Variants in FBXO10 observed in about 807,000 individuals in gnomAD.
FBXO10 encodes the protein F-box only protein 10.
In FBXO10, 39 loss-of-function variants were observed where a neutral mutation model predicts 80.7. The observed-to-expected ratio is 0.48, with a 90% CI of 0.37 to 0.63. The LOEUF (loss-of-function observed/expected upper bound fraction) is 0.63, where lower values mean the gene tolerates loss of function less well. FBXO10 is among the 30% of genes least tolerant of loss of function. The pLI, the probability that FBXO10 is intolerant of heterozygous loss-of-function variation, is 0.00. For synonymous variants in FBXO10, 449 were observed against 489.6 expected (o/e 0.92, Z 1.09); for missense variants, 1,025 against 1,269.0 (o/e 0.81, Z 2.92).
intron 4 of FBXO10, among the ~76,000 whole-genome samples, chr9:37,531,509 T>C (rs943443229): frequency 3.3e-5 from 5 of 152,182 alleles, no homozygotes; most frequent in African/African-American, 1.2e-4. Context: ...ATACCCGAAA[T>C]GTCCTCTTAC....
chr9:37,539,137 C>T (rs1821854556), intron 2 of FBXO10, among the ~76,000 whole-genome samples: 1 of 152,190 alleles, frequency 6.6e-6, no homozygotes, highest in African/African-American at 2.4e-5. Context: ...CCAGACGTAC[C>T]TACCCCTTGA....
chr9:37,550,178 T>G (rs1378099607), intron 1 of FBXO10, among the ~76,000 whole-genome samples: 1 of 70,876 alleles, frequency 1.4e-5, no homozygotes, highest in Admixed American at 1.3e-4. Context: ...GGTTTTTTTT[T>G]TTTTTTTTTT....
At chr9:37,559,719 G>C (rs139053990) in intron 1 of FBXO10, among the ~76,000 whole-genome samples, 3 of 152,158 alleles carry the variant, frequency 2.0e-5, no homozygotes, top group African/African-American at 7.2e-5. Context: ...GCACTTCATT[G>C]CCTATGCAGG....
Position 37,537,171 on chromosome 9 carries a change from T to C in FBXO10, c.1358A>G (p.Lys453Arg). 1 of 1,613,972 alleles carries C rather than the reference T, an allele frequency of 6.2e-7. No individual in the cohort carries two copies. Among genetic ancestry groups the C allele is most frequent in the Non-Finnish European group, 8.5e-7 (1 of 1,179,906 alleles). The change falls in exon 3 of 11, where the codon AAG becomes AGG. Residue 453 changes from lysine to arginine, a missense_variant. Coordinates refer to ENST00000432825, the MANE Select transcript of FBXO10 (RefSeq NM_012166.3). ...GTTCCGGAAGATGTTTCCTTCCATC[T>C]TGGCTCTGCCGTGGGAGCAGACGAA... ...GVFVCSHGRA[K>R]MEGNIFRNLT...
At chr9:37,540,725 C>T (rs1460723807) in intron 2 of FBXO10, among the ~76,000 whole-genome samples, 1 of 152,176 alleles carries the variant, frequency 6.6e-6, no homozygotes, top group Non-Finnish European at 1.5e-5. Context: ...AAAAGCCTGC[C>T]CTTCCTTGAT....
At chr9:37,519,842 G>A (rs1200868229) in intron 8 of FBXO10, among the ~76,000 whole-genome samples, 1 of 152,132 alleles carries the variant, frequency 6.6e-6, no homozygotes, top group African/African-American at 2.4e-5. Context: ...TTTAGAGACA[G>A]GGTCTTGCTC....
rs1248965570 is a variant in FBXO10 at position 37,571,726 on chromosome 9, T to TAC, written c.-7+4484_-7+4485insGT. ...GTGAAAAGAGAGCCATATATATATA[T>TAC]ATATATATATATATATATATATTTC... On this transcript the variant is annotated intron_variant, in intron 1 of 10. Transcript: ENST00000432825. Among the ~76,000 whole-genome samples, 17 of 139,796 alleles carry TAC rather than the reference T, an allele frequency of 1.2e-4. 1 individual carries two copies. Among genetic ancestry groups the TAC allele is most frequent in the Non-Finnish European group, 1.7e-4 (11 of 65,348 alleles). The allele number at this position is 139,796 out of a possible 152,430, so 91.7% of individuals were successfully genotyped here.
rs1588821684 is a variant in FBXO10, at chr9:37,518,267, T to G, written c.2372A>C (p.Lys791Thr). The G allele has an allele frequency of 6.2e-7, 1 of 1,614,042 alleles. No individual in the cohort carries two copies. Among genetic ancestry groups the G allele is most frequent in the Non-Finnish European group, 8.5e-7 (1 of 1,179,892 alleles). Residue 791 changes from lysine (K) to threonine (T), a missense_variant, in exon 9 of 11, where the codon AAA becomes ACA. Lys to Thr is a moderately conservative substitution (Grantham distance 78). Around this residue, in one of 3 missense-constraint regions of FBXO10, gnomAD observed 478 missense variants for 667.8 expected, o/e 0.72. Transcript: ENST00000432825. Reference protein sequence around the residue: ...QSGVKVEAQCKVELRGNGIYD... With the variant: ...QSGVKVEAQCTVELRGNGIYD... ...GATACCATTGCCCCGGAGCTCCACT[T>G]TGCACTGGGCCTCAACCTTGACCCC...
intron 5 of FBXO10, among the ~76,000 whole-genome samples, chr9:37,528,505 G>A (rs1821530346): frequency 1.3e-5 from 2 of 152,032 alleles, no homozygotes; most frequent in South Asian, 4.1e-4. Context: ...CTATCTCCAT[G>A]AGTCCAAGTC....
intron 10 of FBXO10, among the ~76,000 whole-genome samples, chr9:37,513,310 TTTC>T (rs1358908302): frequency 6.6e-6 from 1 of 152,208 alleles, no homozygotes; most frequent in African/African-American, 2.4e-5. Flanking sequence ...TCCTCTTTCA[TTTC>T]TTTTCAGCTC....
intron 1 of FBXO10, among the ~76,000 whole-genome samples, 199 bp downstream of exon 1, chr9:37,576,012 G>A (rs960311086): frequency 3.9e-5 from 6 of 152,204 alleles, no homozygotes; most frequent in African/African-American, 1.4e-4. Context: ...TCCGGATGCC[G>A]GGGGACCGCG....
chr9:37,574,858 G>C (rs747872675), intron 1 of FBXO10, among the ~76,000 whole-genome samples: 14 of 152,210 alleles, frequency 9.2e-5, no homozygotes, highest in Non-Finnish European at 1.9e-4. Flanking sequence ...CTTGTTCACA[G>C]CTCTATGTCC....
At chr9:37,519,485 G>C (rs558730230) in intron 8 of FBXO10, among the ~76,000 whole-genome samples, 5 of 152,144 alleles carry the variant, frequency 3.3e-5, no homozygotes, top group African/African-American at 1.2e-4. Flanking sequence ...CAGCAACAAG[G>C]GTTGGGGCAG....
intron 2 of FBXO10, among the ~76,000 whole-genome samples, chr9:37,539,720 A>G (rs1821866032): frequency 6.6e-6 from 1 of 152,246 alleles, no homozygotes; most frequent in South Asian, 2.1e-4. Flanking sequence ...TTAAGCTTTC[A>G]GGTAACATAG....
At chr9:37,557,673 G>C (rs935607650) in intron 1 of FBXO10, among the ~76,000 whole-genome samples, 15 of 152,140 alleles carry the variant, frequency 9.9e-5, no homozygotes, top group Admixed American at 9.2e-4. Context: ...TTTCTAGCTA[G>C]CTCAGATAAT....
intron 4 of FBXO10, among the ~76,000 whole-genome samples, chr9:37,530,536 C>T (rs1463451608): frequency 6.6e-6 from 1 of 152,252 alleles, no homozygotes; most frequent in African/African-American, 2.4e-5. Context: ...TAAGCCAAAG[C>T]CATGCATCAA....
Position 37,512,871 on chromosome 9 carries a change from A to G in FBXO10, c.2697-150T>C, listed in dbSNP as rs575081812. ...TTATCTTCCAGTTTAGTGTTAGTCC[A>G]AAGAGGTGGGCTGTTGAGAAACTAA... On this transcript the variant is annotated intron_variant, in intron 10 of 10. Transcript: ENST00000432825. The G allele has an allele frequency of 1.1e-4, 89 of 805,426 alleles. 1 individual carries two copies. In the East Asian group the frequency reaches 2.2e-3, roughly 20 times the overall value. 49.9% of individuals were successfully genotyped at this position (805,426 alleles called of 1,614,324 possible).
chr9:37,572,613 G>A (rs1361716868), intron 1 of FBXO10, among the ~76,000 whole-genome samples: 1 of 152,060 alleles, frequency 6.6e-6, no homozygotes, highest in Non-Finnish European at 1.5e-5. Context: ...AAACTATATT[G>A]TTTAGGGATA....
intron 10 of FBXO10, among the ~76,000 whole-genome samples, chr9:37,514,278 G>A (rs1462813689): frequency 6.6e-6 from 1 of 152,114 alleles, no homozygotes; most frequent in African/African-American, 2.4e-5. Context: ...ATGAGAGGCT[G>A]GAAAAGACAA....
Sources: allele counts gnomAD v4.1 joint callset (sites outside exome capture counted in the v4.1 genomes callset), GRCh38; gene constraint gnomAD v4.1.1; regional missense constraint gnomAD v4.1.1; transcripts MANE v1.5; gene names NCBI Gene and HGNC (gene_info 2026-07-23, HGNC 2026-07-21).